The following WDR74 variants were observed in gnomAD, a reference collection of about 807,000 sequenced individuals.
The protein encoded by WDR74 is WD repeat domain 74, also known as WD repeat-containing protein 74.
Under a neutral mutation model 45.6 loss-of-function variants are expected in WDR74, and 31 were observed. The ratio of observed to expected loss-of-function variants is 0.68; its 90% CI spans 0.51 to 0.92. The LOEUF (loss-of-function observed/expected upper bound fraction) is 0.92. WDR74 is among the 40% of genes least tolerant of loss of function. WDR74 has a pLI of 0.00. For missense variants in WDR74, 455 were observed against 497.2 expected, an observed-to-expected ratio of 0.92 and a Z score of 0.81; for synonymous variants, 191 against 192.4, an observed-to-expected ratio of 0.99 and a Z score of 0.06.
At chr11:62,838,760 C>CA (rs112966057) in intron 3 of WDR74, among the ~76,000 whole-genome samples, 5,343 of 99,394 alleles carry the variant, frequency 0.054, 111 homozygotes, top group Admixed American at 0.074. Flanking sequence ...ACTCCGTCTC[C>CA]AAAAAAAAAA....
At position 62,835,966 on chromosome 11, in the gene WDR74, C is replaced by A. The variant is rs201394009; in HGVS notation, c.364G>T (p.Asp122Tyr). 2 of 1,593,664 alleles carry A rather than the reference C, an allele frequency of 1.3e-6. No individual in the cohort carries two copies. Among genetic ancestry groups the A allele is most frequent in the African/African-American group, 2.7e-5 (2 of 74,794 alleles). Residue 122 changes from aspartate to tyrosine, a missense_variant, in exon 4 of 11, where the codon GAC (aspartate) becomes TAC (tyrosine). Coordinates refer to ENST00000278856, the MANE Select transcript of WDR74 (RefSeq NM_001369450.1). ...TCAGGGCAGGGGAGCCTCACTGGGT[C>A]AGAGGATGTGTCCTTGTCCTTGTCA... ...WHDKDKDTSS[D>Y]PLLELRVGPG... is the part of the protein sequence containing the mutation.
intron 3 of WDR74, 40 bp from the exon 4 acceptor site, chr11:62,836,076 A>G: frequency 6.5e-7 from 1 of 1,541,468 alleles, no homozygotes; most frequent in Non-Finnish European, 8.8e-7. Flanking sequence ...TTAAGTGCTT[A>G]AACTCCTTGT....
chr11:62,834,080 G>C, intron 8 of WDR74, 143 bp from the exon 9 acceptor site: 1 of 1,420,726 alleles, frequency 7.0e-7, no homozygotes, highest in South Asian at 1.3e-5. Flanking sequence ...TTTCCATTTC[G>C]CAGGTGAGGA....
intron 3 of WDR74, 98 bp from the exon 4 acceptor site, chr11:62,836,134 GAA>G: frequency 1.8e-6 from 2 of 1,127,362 alleles, no homozygotes; most frequent in Non-Finnish European, 2.5e-6. Flanking sequence ...AATGTTTAAA[GAA>G]AAAAAAAAGT....
upstream of WDR74, chr11:62,841,434 A>C (rs1345189872): frequency 6.6e-6 from 1 of 152,236 alleles, no homozygotes; most frequent in Non-Finnish European, 1.5e-5. Context: ...CCACATGGAG[A>C]TACTACGCTC....
At chr11:62,835,215 C>A in intron 6 of WDR74, 1 of 562,084 alleles carries the variant, frequency 1.8e-6, no homozygotes. Context: ...TTCCTCTCTT[C>A]CAGGTGGGAG....
intron 8 of WDR74, 123 bp from the exon 9 acceptor site, chr11:62,834,060 T>C: frequency 6.8e-7 from 1 of 1,463,270 alleles, no homozygotes; most frequent in Non-Finnish European, 9.3e-7. Flanking sequence ...GACTGGAGCT[T>C]CTACTAATAT....
intron 3 of WDR74, among the ~76,000 whole-genome samples, chr11:62,836,954 T>TA (rs1477131338): frequency 6.6e-6 from 1 of 152,072 alleles, no homozygotes; most frequent in Non-Finnish European, 1.5e-5. Flanking sequence ...TACATGCCTG[T>TA]AGTCCTAGCT....
intron 3 of WDR74, among the ~76,000 whole-genome samples, chr11:62,836,995 G>A (rs2134890269): frequency 6.6e-6 from 1 of 152,284 alleles, no homozygotes; most frequent in East Asian, 1.9e-4. Context: ...AGAATCGCCT[G>A]AACCAGGGAG....
At chr11:62,834,598 AC>A in intron 6 of WDR74, 71 bp from the exon 7 acceptor site, 4 of 1,316,418 alleles carry the variant, frequency 3.0e-6, no homozygotes, top group East Asian at 4.7e-5. Flanking sequence ...CTGCATCCTC[AC>A]CCCCTCCCTG....
In WDR74 at chr11:62,832,940, G is replaced by A. The variant is rs1212559866; in HGVS notation, c.*12C>T. On this transcript the variant is annotated 3_prime_UTR_variant, in exon 11 of 11. Coordinates refer to ENST00000278856, the MANE Select transcript of WDR74 (RefSeq NM_001369450.1). ...TGTTCAGCAGTTTATTTACAAAGTG[G>A]GCACAGGGGCGTCAGGGGCTGGTGG... is the stretch of plus-strand genomic sequence containing the variant. 1 of 1,590,346 alleles carries A rather than the reference G, an allele frequency of 6.3e-7. No individual in the cohort carries two copies. Among genetic ancestry groups the A allele is most frequent in the Non-Finnish European group, 8.5e-7 (1 of 1,170,020 alleles).
intron 3 of WDR74, among the ~76,000 whole-genome samples, chr11:62,837,401 G>A (rs898790621): frequency 1.3e-5 from 2 of 151,700 alleles, no homozygotes; most frequent in Non-Finnish European, 2.9e-5. Flanking sequence ...GGAGGCTGAG[G>A]CAAGAGAATC....
chr11:62,841,697 C>A (rs577076800), upstream of WDR74: 2 of 152,208 alleles, frequency 1.3e-5, no homozygotes, highest in African/African-American at 2.4e-5. Context: ...TATTCCATCT[C>A]CTATTTCCAA....
At chr11:62,837,991 TACTC>T (rs1159690494) in intron 3 of WDR74, among the ~76,000 whole-genome samples, 1 of 152,048 alleles carries the variant, frequency 6.6e-6, no homozygotes, top group Non-Finnish European at 1.5e-5. Flanking sequence ...TGGTCCCAGG[TACTC>T]AGGAGGTTGA....
intron 6 of WDR74, 170 bp downstream of exon 6, chr11:62,835,261 A>G: frequency 1.6e-6 from 1 of 620,358 alleles, no homozygotes; most frequent in Non-Finnish European, 2.8e-6. Context: ...CCACCCTAGA[A>G]TACAGTAGAG....
intron 9 of WDR74, 59 bp from the exon 10 acceptor site, chr11:62,833,733 G>A: frequency 1.9e-6 from 3 of 1,596,858 alleles, no homozygotes; most frequent in Non-Finnish European, 1.7e-6. Context: ...CATGAACGGA[G>A]GGCACAGGAG....
intron 8 of WDR74, 61 bp downstream of exon 8, chr11:62,834,215 A>C: frequency 6.2e-7 from 1 of 1,610,878 alleles, no homozygotes; most frequent in Non-Finnish European, 8.5e-7. Context: ...ACCACCTTAG[A>C]GGGAATCCTG....
At chr11:62,839,628 G>A, upstream of WDR74, 1 of 1,550,764 alleles carries the variant, frequency 6.4e-7, no homozygotes, top group Non-Finnish European at 8.7e-7. Flanking sequence ...GTCACCAGCG[G>A]GCGTCGAGTC....
In WDR74 at chr11:62,839,322, C is replaced by G; in HGVS notation, c.171G>C (p.Gln57His). The G allele has an allele frequency of 6.2e-7, 1 of 1,610,670 alleles. No homozygotes were observed. The highest frequency in any genetic ancestry group is 8.5e-7 in the Non-Finnish European group (1 of 1,179,520). Reference protein sequence around the residue: ...ALCWGTGGETQMLVGCADRTV... With the variant: ...ALCWGTGGETHMLVGCADRTV... ...TCCGGCCCGACCAGGGGCCACTCAC[C>G]TGGGTCTCGCCGCCGGTGCCCCAAC... The change falls in exon 2 of 11, where the codon CAG becomes CAC. Residue 57 changes from glutamine (Q) to histidine (H), a missense_variant and splice_region_variant. By Grantham distance (24) the Gln-to-His change is conservative. Coordinates refer to ENST00000278856, the MANE Select transcript of WDR74 (RefSeq NM_001369450.1).
Sources: allele counts gnomAD v4.1 joint callset (sites outside exome capture counted in the v4.1 genomes callset), GRCh38; gene constraint gnomAD v4.1.1; transcripts MANE v1.5; gene names NCBI Gene and HGNC (gene_info 2026-07-23, HGNC 2026-07-21).